Variants in PDXK observed in about 807,000 individuals in gnomAD.
PDXK encodes the protein epididymis secretory sperm binding protein Li 1a.
A neutral mutation model predicts 43.2 loss-of-function variants in PDXK; 15 were observed. That is an observed-to-expected ratio of 0.35 (90% CI 0.23 to 0.53). The LOEUF is 0.53. Among genes scored for constraint, PDXK ranks in the 20% least tolerant of loss-of-function variants. The pLI, the probability that PDXK is intolerant of heterozygous loss-of-function variation, is 0.92. For synonymous variants in PDXK, 172 were observed against 165.4 expected, an observed-to-expected ratio of 1.04 and a Z score of -0.31; for missense variants, 343 against 417.0, an observed-to-expected ratio of 0.82 and a Z score of 1.54.
At position 43,756,770 on chromosome 21, in the gene PDXK, C is replaced by G. The variant is rs144883761; in HGVS notation, c.*707C>G. On this transcript the variant is annotated 3_prime_UTR_variant, in exon 11 of 11. Transcript: ENST00000291565. The stretch of plus-strand genomic sequence containing the variant: ...ACCCGCGGGACCTCTTGTAACCCAT[C>G]GGCATCTTCCAGGAATCCGCCGAGT... 6.6e-6 allele frequency: 1 copy of G among 152,198 alleles called. No homozygotes were observed. The highest frequency in any genetic ancestry group is 1.5e-5 in the Non-Finnish European group (1 of 68,082). 9.4% of individuals were successfully genotyped at this position (152,198 alleles called of 1,614,324 possible). A position where few individuals can be genotyped will look rare whatever the true frequency, so the allele number is the denominator to read the frequency against.
At chr21:43,738,663 A>G (rs9981955) in intron 2 of PDXK, 98,511 of 152,198 alleles carry the variant, frequency 0.65, 32,472 homozygotes, top group South Asian at 0.75. Context: ...CAGACACACG[A>G]GCTCCTGGTT....
At chr21:43,746,773 T>C (rs1287167652) in intron 5 of PDXK, among the ~76,000 whole-genome samples, 1 of 152,220 alleles carries the variant, frequency 6.6e-6, no homozygotes, top group Non-Finnish European at 1.5e-5. Context: ...ATTTGAATTT[T>C]CTATAATTTT....
intron 8 of PDXK, among the ~76,000 whole-genome samples, 194 bp from the exon 9 acceptor site, chr21:43,753,389 A>G (rs1418995633): frequency 6.6e-6 from 1 of 151,906 alleles, no homozygotes; most frequent in Non-Finnish European, 1.5e-5. Context: ...CTGAGGGTGC[A>G]GTCTTTCCCT....
intron 7 of PDXK, among the ~76,000 whole-genome samples, chr21:43,750,979 T>TGC (rs1555885791): frequency 6.7e-4 from 100 of 148,288 alleles, no homozygotes; most frequent in African/African-American, 1.0e-3. Flanking sequence ...TGTGTGTGTG[T>TGC]GCACATGTGT....
In PDXK at chr21:43,761,618, C is replaced by G. The variant is rs2083933525; in HGVS notation, c.*5555C>G. On this transcript the variant is annotated 3_prime_UTR_variant, in exon 11 of 11. Coordinates refer to ENST00000291565, the MANE Select transcript of PDXK (RefSeq NM_003681.5). ...GAAGCGCCTTTGTCCTCATTTTGAG[C>G]TGCAAGCTGGGTCAGCGGCTCTGAA... is the stretch of plus-strand genomic sequence containing the variant. 1 of 152,422 alleles carries G rather than the reference C, an allele frequency of 6.6e-6. No individual in the cohort carries two copies. The highest frequency in any genetic ancestry group is 6.5e-5 in the Admixed American group (1 of 15,274). 9.4% of individuals were successfully genotyped at this position (152,422 alleles called of 1,614,324 possible). A position where few individuals can be genotyped will look rare whatever the true frequency, so the allele number is the denominator to read the frequency against.
In PDXK at chr21:43,752,758, C is replaced by G. The variant is rs1239558701; in HGVS notation, c.622+129C>G. The G allele has an allele frequency of 2.5e-4, 158 of 621,440 alleles. 1 individual carries two copies. In the South Asian group the frequency reaches 2.9e-3, roughly 11 times the overall value. 38.5% of individuals were successfully genotyped at this position (621,440 alleles called of 1,614,324 possible). A position where few individuals can be genotyped will look rare whatever the true frequency, so the allele number is the denominator to read the frequency against. On this transcript the variant is annotated intron_variant, in intron 8 of 10. Coordinates refer to ENST00000291565, the MANE Select transcript of PDXK (RefSeq NM_003681.5). ...CCTTATCCAGCACCGGGATGACACCCCCATTTTACAGACTCTCAGGGATCA... is the reference window on the plus strand; with the variant it reads ...CCTTATCCAGCACCGGGATGACACCGCCATTTTACAGACTCTCAGGGATCA...
chr21:43,742,016 G>A (rs1392648151), intron 3 of PDXK, among the ~76,000 whole-genome samples: 1 of 152,088 alleles, frequency 6.6e-6, no homozygotes, highest in Non-Finnish European at 1.5e-5. Context: ...TGACCACACT[G>A]GGGTTCCAGT....
chr21:43,747,922 G>C (rs1329959511), intron 5 of PDXK, among the ~76,000 whole-genome samples: 4 of 152,196 alleles, frequency 2.6e-5, no homozygotes, highest in Non-Finnish European at 5.9e-5. Context: ...CAGGGATCGG[G>C]GACATCCACG....
chr21:43,725,259 C>T (rs1227480991), intron 1 of PDXK, among the ~76,000 whole-genome samples: 1 of 151,532 alleles, frequency 6.6e-6, no homozygotes, highest in Non-Finnish European at 1.5e-5. Context: ...GGAGGCGGAG[C>T]TTGCAGTGAG....
chr21:43,747,636 C>T (rs73908378), intron 5 of PDXK, among the ~76,000 whole-genome samples: 36,387 of 152,222 alleles, frequency 0.24, 4,700 homozygotes, highest in African/African-American at 0.27. Flanking sequence ...GCCTTCCCTT[C>T]ATGGTGCTCC....
At chr21:43,733,248 TCCCCACCCCCCCC>T (rs1180406122) in intron 1 of PDXK, among the ~76,000 whole-genome samples, 1 of 35,064 alleles carries the variant, frequency 2.9e-5, no homozygotes, top group Non-Finnish European at 5.4e-5. Flanking sequence ...CCCCTCCCCA[TCCCCACCCCCCCC>T]CCCGCCCCCC....
rs1484640608 is a variant in PDXK at position 43,737,726 on chromosome 21, G to A, written c.142+3603G>A. ...GGCCAGGCCGGGCCAGGAGCCTGCC[G>A]ACGGACACCAGCGAGGGGCCAGGCC... On this transcript the variant is annotated intron_variant, in intron 2 of 10. Coordinates refer to ENST00000291565, the MANE Select transcript of PDXK (RefSeq NM_003681.5). This position sits in a 1 kb window ranked among gnomAD's most constrained non-coding sequence, Gnocchi z 4.8. The A allele has an allele frequency of 1.1e-5, 10 of 948,086 alleles. No homozygotes were observed. Among genetic ancestry groups the A allele is most frequent in the African/African-American group, 7.3e-5 (4 of 54,482 alleles). 58.7% of individuals were successfully genotyped at this position (948,086 alleles called of 1,614,324 possible).
At chr21:43,736,385 G>C (rs1457187150) in intron 2 of PDXK, among the ~76,000 whole-genome samples, 1 of 152,162 alleles carries the variant, frequency 6.6e-6, no homozygotes, top group Non-Finnish European at 1.5e-5. Flanking sequence ...CCCAGGACCA[G>C]CTCACGCCCT....
chr21:43,725,940 G>C (rs1035666904), intron 1 of PDXK, among the ~76,000 whole-genome samples: 2 of 152,190 alleles, frequency 1.3e-5, no homozygotes, highest in Non-Finnish European at 2.9e-5. Flanking sequence ...ACGCTTCTGA[G>C]TGTCCTCGGA....
chr21:43,743,343 G>A (rs1434024069), intron 3 of PDXK, among the ~76,000 whole-genome samples: 4 of 67,140 alleles, frequency 6.0e-5, no homozygotes, highest in South Asian at 6.8e-4. Flanking sequence ...GGGACACCTC[G>A]CCTGCACCCA....
At chr21:43,724,329 CA>C (rs2083232672) in intron 1 of PDXK, among the ~76,000 whole-genome samples, 1 of 152,150 alleles carries the variant, frequency 6.6e-6, no homozygotes, top group South Asian at 2.1e-4. Context: ...GTGACATTGG[CA>C]AAAGTAGCTG....
Position 43,758,183 on chromosome 21 carries a change from G to C in PDXK, c.*2120G>C, listed in dbSNP as rs556882946. 5 of 153,658 alleles carry C rather than the reference G, an allele frequency of 3.3e-5. No homozygotes were observed. In the Admixed American group the frequency reaches 3.3e-4, roughly 10 times the overall value. 9.5% of individuals were successfully genotyped at this position (153,658 alleles called of 1,614,324 possible). A position where few individuals can be genotyped will look rare whatever the true frequency, so the allele number is the denominator to read the frequency against. On this transcript the variant is annotated 3_prime_UTR_variant, in exon 11 of 11. Transcript: ENST00000291565. ...CTTTGATTCTTGGTTCTTTGAGCTCGTTTCAGAGGCTGAGTCCCCACATCA... is the reference window on the plus strand; with the variant it reads ...CTTTGATTCTTGGTTCTTTGAGCTCCTTTCAGAGGCTGAGTCCCCACATCA...
chr21:43,736,856 C>T (rs2083412031), intron 2 of PDXK: 1 of 690,308 alleles, frequency 1.4e-6, no homozygotes, highest in African/African-American at 1.8e-5. Context: ...TGGTCTTGAA[C>T]TCCTTGGGCT....
At chr21:43,741,860 G>A (rs1339924065) in intron 3 of PDXK, 89 bp downstream of exon 3, 4 of 819,042 alleles carry the variant, frequency 4.9e-6, no homozygotes, top group African/African-American at 3.4e-5. Context: ...CCCCGCCCTG[G>A]GCCTGTCTCG....
Sources: allele counts gnomAD v4.1 joint callset (sites outside exome capture counted in the v4.1 genomes callset), GRCh38; gene constraint gnomAD v4.1.1; non-coding constraint Gnocchi (gnomAD v3.1); transcripts MANE v1.5; gene names NCBI Gene and HGNC (gene_info 2026-07-23, HGNC 2026-07-21).